ELMO1: variants seen among roughly 807,000 people sequenced by gnomAD.
ELMO1 encodes engulfment and cell motility 1, also known as engulfment and cell motility protein 1.
In ELMO1, 26 loss-of-function variants were observed where a neutral mutation model predicts 98.9. That is an observed-to-expected ratio of 0.26 (90% CI 0.19 to 0.36). The LOEUF (loss-of-function observed/expected upper bound fraction) is 0.36. Among genes scored for constraint, ELMO1 ranks in the 10% least tolerant of loss-of-function variants. The probability of loss-of-function intolerance (pLI) is 1.00; values close to 1 mark genes in which losing one functional copy is unlikely to be tolerated. For missense variants in ELMO1, 627 were observed against 935.2 expected (o/e 0.67, Z 4.30); for synonymous variants, 346 against 346.0 (o/e 1.00, Z 0.00).
chr7:36,928,989 G>T (rs919845106), intron 16 of ELMO1, among the ~76,000 whole-genome samples: 1 of 152,184 alleles, frequency 6.6e-6, no homozygotes, highest in Non-Finnish European at 1.5e-5. Flanking sequence ...GTTTTATCTG[G>T]CCAGCCACTG....
At chr7:36,874,873 C>T (rs926638083) in intron 19 of ELMO1, among the ~76,000 whole-genome samples, 6 of 152,144 alleles carry the variant, frequency 3.9e-5, no homozygotes, top group African/African-American at 1.2e-4. Flanking sequence ...GCCAAATTTC[C>T]TGACAAAGAA....
chr7:37,289,384 G>A (rs1203323496), intron 4 of ELMO1, among the ~76,000 whole-genome samples: 1 of 152,130 alleles, frequency 6.6e-6, no homozygotes, highest in Non-Finnish European at 1.5e-5. Context: ...AGAGAGTTGA[G>A]ATATATTTGC....
chr7:37,374,243 C>A (rs1302477456), intron 1 of ELMO1, among the ~76,000 whole-genome samples: 4 of 152,108 alleles, frequency 2.6e-5, no homozygotes, highest in Non-Finnish European at 4.4e-5. Flanking sequence ...TCAGGGTCAC[C>A]CAAGTACCCA....
rs1364514842 is a variant in ELMO1 at position 37,334,378 on chromosome 7, G to A, written c.78+8235C>T. ...GGAGAATCGCTTGAACCTGGGAGAC[G>A]GAGGTTGCAGTGAGCCAGGATTGCA... On this transcript the variant is annotated intron_variant, in intron 2 of 21. Transcript: ENST00000310758. Among the ~76,000 whole-genome samples the A allele has an allele frequency of 2.0e-5, 3 of 152,214 alleles. No homozygotes were observed. In the East Asian group the frequency reaches 5.8e-4, roughly 29 times the overall value.
At chr7:37,147,714 G>A (rs1035166283) in intron 13 of ELMO1, among the ~76,000 whole-genome samples, 1 of 152,008 alleles carries the variant, frequency 6.6e-6, no homozygotes, top group Non-Finnish European at 1.5e-5. Context: ...ATGTGGACAC[G>A]ATGCACAGTC....
At chr7:36,962,863 C>T (rs1382958553) in intron 16 of ELMO1, among the ~76,000 whole-genome samples, 1 of 152,074 alleles carries the variant, frequency 6.6e-6, no homozygotes, top group East Asian at 1.9e-4. Flanking sequence ...AATCACAAAT[C>T]ACTGTTCTCC....
intron 4 of ELMO1, among the ~76,000 whole-genome samples, chr7:37,312,169 T>C (rs1291514529): frequency 6.6e-6 from 1 of 152,222 alleles, no homozygotes; most frequent in Non-Finnish European, 1.5e-5. Flanking sequence ...CTTGGCTCAC[T>C]GCAACCTCCA....
At chr7:37,093,085 A>G (rs1353988229) in intron 15 of ELMO1, among the ~76,000 whole-genome samples, 3 of 152,100 alleles carry the variant, frequency 2.0e-5, no homozygotes, top group Admixed American at 6.5e-5. Context: ...AAGTGCTCTG[A>G]GAATGTAAAT....
intron 4 of ELMO1, among the ~76,000 whole-genome samples, chr7:37,283,765 C>G (rs907662509): frequency 1.3e-5 from 2 of 152,244 alleles, no homozygotes; most frequent in African/African-American, 4.8e-5. Flanking sequence ...ATCCAAGCTT[C>G]TGGCAACAGA....
chr7:37,096,785 A>G (rs1784384669), intron 14 of ELMO1, 58 bp from the exon 15 acceptor site: 1 of 1,452,658 alleles, frequency 6.9e-7, no homozygotes, highest in Non-Finnish European at 9.6e-7. Flanking sequence ...AACATCAAGA[A>G]TATCACCTTC....
chr7:37,276,477 G>A (rs1796839720), intron 4 of ELMO1, among the ~76,000 whole-genome samples: 1 of 152,124 alleles, frequency 6.6e-6, no homozygotes, highest in Admixed American at 6.5e-5. Context: ...CGGGCGTGGT[G>A]GCAGGCGCCT....
In ELMO1 at chr7:37,342,745, C is replaced by T. The variant is rs947103527; in HGVS notation, c.-55G>A. The T allele has an allele frequency of 1.9e-5, 28 of 1,480,524 alleles. No individual in the cohort carries two copies. The highest frequency in any genetic ancestry group is 2.3e-5 in the Non-Finnish European group (25 of 1,080,310). The allele number at this position is 1,480,524 out of a possible 1,614,324, so 91.7% of individuals were successfully genotyped here. ...GGGAATGAGGATCCTACAGCGTAAA[C>T]GGCCACACGTGTCTATACCTAATGA... is the stretch of plus-strand genomic sequence containing the variant. On this transcript the variant is annotated 5_prime_UTR_variant, in exon 2 of 22. Coordinates refer to ENST00000310758, the MANE Select transcript of ELMO1 (RefSeq NM_014800.11). The surrounding 1 kb of genome is among the most constrained non-coding windows in gnomAD (Gnocchi z 4.3).
chr7:36,897,349 T>A (rs76556897), intron 16 of ELMO1, among the ~76,000 whole-genome samples: 2 of 151,622 alleles, frequency 1.3e-5, no homozygotes, highest in South Asian at 2.1e-4. Flanking sequence ...TGTGTGTGTG[T>A]GAAAGAGTGT....
At chr7:37,370,803 G>A (rs1330288184) in intron 1 of ELMO1, among the ~76,000 whole-genome samples, 1 of 152,168 alleles carries the variant, frequency 6.6e-6, no homozygotes, top group African/African-American at 2.4e-5. Context: ...GAACTTTCAT[G>A]TACTCCTGGT....
chr7:37,089,072 C>G (rs1783930809), intron 15 of ELMO1, among the ~76,000 whole-genome samples: 1 of 152,128 alleles, frequency 6.6e-6, no homozygotes, highest in Non-Finnish European at 1.5e-5. Context: ...AGAATGTATT[C>G]CCCAAGAATG....
chr7:37,436,299 G>A (rs948827934), intron 1 of ELMO1, among the ~76,000 whole-genome samples: 6 of 152,202 alleles, frequency 3.9e-5, no homozygotes, highest in African/African-American at 1.4e-4. Flanking sequence ...AGCGGACACT[G>A]TAGTTGCTGA....
chr7:36,974,662 A>C (rs976143463), intron 16 of ELMO1, among the ~76,000 whole-genome samples: 1 of 152,206 alleles, frequency 6.6e-6, no homozygotes, highest in East Asian at 1.9e-4. Context: ...AGATAAGAGA[A>C]TAAAAGCAGG....
At chr7:37,245,147 A>T (rs1746095251) in intron 6 of ELMO1, among the ~76,000 whole-genome samples, 1 of 152,020 alleles carries the variant, frequency 6.6e-6, no homozygotes, top group Non-Finnish European at 1.5e-5. Flanking sequence ...CCCCAAACTC[A>T]TCTCATTCTA....
chr7:37,048,569 G>A lies in ELMO1; in HGVS notation c.1301-35134C>T, dbSNP rs561849866. ...GATCTGTTCCCCCACCTAACCCACA[G>A]GCAACTCTAAAGCGAAAACATGGAT... On this transcript the variant is annotated intron_variant, in intron 15 of 21. Transcript: ENST00000310758. Among the ~76,000 whole-genome samples, 3 of 152,270 alleles carry A rather than the reference G, an allele frequency of 2.0e-5. No homozygotes were observed. The East Asian group carries it at 5.8e-4, about 29-fold the overall frequency.
Sources: gnomAD v4.1 joint callset for allele counts (sites outside exome capture counted in the v4.1 genomes callset) on GRCh38, gnomAD v4.1.1 for gene constraint, Gnocchi (gnomAD v3.1) non-coding constraint, MANE v1.5 for transcripts, NCBI Gene and HGNC (gene_info 2026-07-23, HGNC 2026-07-21) for gene names.